The following LTBP2 variants were observed in gnomAD, a reference collection of about 807,000 sequenced individuals.
LTBP2 encodes latent transforming growth factor beta binding protein 2.
LTBP2 carries 103 observed loss-of-function variants against 210.6 expected under a neutral mutation model. That is an observed-to-expected ratio of 0.49 (90% confidence interval 0.42 to 0.58). LTBP2 has a LOEUF of 0.58. LTBP2 is among the 20% of genes least tolerant of loss of function. LTBP2 has a pLI of 0.00. For synonymous variants in LTBP2, 1,007 were observed against 1,015.0 expected, an observed-to-expected ratio of 0.99 and a Z score of 0.15; for missense variants, 2,313 against 2,494.5, an observed-to-expected ratio of 0.93 and a Z score of 1.55.
At chr14:74,590,995 T>C (rs1466471964) in intron 2 of LTBP2, among the ~76,000 whole-genome samples, 1 of 152,184 alleles carries the variant, frequency 6.6e-6, no homozygotes, top group African/African-American at 2.4e-5. Context: ...GCTATTGAAA[T>C]TAAATATATA....
intron 18 of LTBP2, among the ~76,000 whole-genome samples, chr14:74,511,685 C>A (rs1273064255): frequency 6.6e-6 from 1 of 152,180 alleles, no homozygotes; most frequent in East Asian, 1.9e-4. Context: ...TTTCATCTCT[C>A]CCCTGGCGAA....
chr14:74,551,386 AG>A, intron 6 of LTBP2, 36 bp from the exon 7 acceptor site: 1 of 1,518,306 alleles, frequency 6.6e-7, no homozygotes, highest in Non-Finnish European at 8.8e-7. Flanking sequence ...CCAGGGAAGC[AG>A]GGCCCCACCC....
In LTBP2 at chr14:74,512,125, T is replaced by C. The variant is rs1157226128; in HGVS notation, c.2909-761A>G. ...TCCCCGGAGCCGAGGAGAGGGCTCT[T>C]CCCCGACATAACCTGGCATATCATG... On this transcript the variant is annotated intron_variant, in intron 18 of 35. Coordinates refer to ENST00000261978, the MANE Select transcript of LTBP2 (RefSeq NM_000428.3). Among the ~76,000 whole-genome samples the C allele has an allele frequency of 9.9e-5, 15 of 152,122 alleles. No homozygotes were observed. In the South Asian group the frequency reaches 1.0e-3, roughly 11 times the overall value.
intron 25 of LTBP2, 111 bp downstream of exon 25, chr14:74,507,862 T>G: frequency 6.9e-7 from 1 of 1,456,316 alleles, no homozygotes. Flanking sequence ...ACACTATTTG[T>G]TGGACACTTC....
At chr14:74,508,770 T>C (rs770937261) in intron 23 of LTBP2, 41 bp from the exon 24 acceptor site, 2 of 1,613,388 alleles carry the variant, frequency 1.2e-6, no homozygotes, top group Admixed American at 3.3e-5. Context: ...GCTGGGGATG[T>C]GCCTGCCTCC....
In LTBP2 at chr14:74,502,868, C is replaced by T. The variant is rs773510546; in HGVS notation, c.4955G>A (p.Arg1652Gln). The part of the protein sequence containing the change: ...EAEREAGVHF[R>Q]PGYEYGPGPD... ...CCCGGGGCCATACTCATAGCCTGGC[C>T]GGAAGTGGACCCCGGCCTCCCGCTC... The change falls in exon 34 of 36, where the codon CGG becomes CAG. Residue 1652 changes from arginine to glutamine, a missense_variant. Physicochemically the swap from Arg to Gln is conservative, Grantham distance 43. Transcript: ENST00000261978. 1.2e-5 allele frequency: 20 copies of T among 1,613,710 alleles called. No homozygotes were observed. The highest frequency in any genetic ancestry group is 1.7e-4 in the Middle Eastern group (1 of 5,848).
intron 8 of LTBP2, among the ~76,000 whole-genome samples, chr14:74,540,419 G>A (rs922203140): frequency 1.3e-5 from 2 of 152,024 alleles, no homozygotes; most frequent in African/African-American, 4.8e-5. Flanking sequence ...GTGGCAGTGA[G>A]TCGAGATCAT....
At chr14:74,593,928 A>G (rs2088318111) in intron 2 of LTBP2, among the ~76,000 whole-genome samples, 1 of 152,228 alleles carries the variant, frequency 6.6e-6, no homozygotes, top group Admixed American at 6.5e-5. Flanking sequence ...AGGATTAAAA[A>G]TGAACAATAT....
chr14:74,509,117 C>T, intron 22 of LTBP2, 121 bp downstream of exon 22: 1 of 1,580,872 alleles, frequency 6.3e-7, no homozygotes, highest in South Asian at 1.1e-5. Context: ...GTGAGCGACT[C>T]TTGGGGAGCG....
intron 3 of LTBP2, among the ~76,000 whole-genome samples, chr14:74,562,992 G>A (rs1027096914): frequency 3.3e-5 from 5 of 152,196 alleles, no homozygotes; most frequent in Admixed American, 1.3e-4. Context: ...ATCTGCAAGT[G>A]TAGCAGCTAA....
At chr14:74,580,439 GGAA>G (rs1213984959) in intron 3 of LTBP2, among the ~76,000 whole-genome samples, 1 of 152,158 alleles carries the variant, frequency 6.6e-6, no homozygotes, top group Non-Finnish European at 1.5e-5. Context: ...ACACACACAA[GGAA>G]GAAGGCCACG....
intron 3 of LTBP2, among the ~76,000 whole-genome samples, chr14:74,573,047 C>T (rs1034256073): frequency 1.3e-5 from 2 of 152,096 alleles, no homozygotes; most frequent in Admixed American, 6.6e-5. Flanking sequence ...TTAATGAGGC[C>T]GAATGCTGCT....
intron 18 of LTBP2, among the ~76,000 whole-genome samples, chr14:74,512,409 C>T (rs572744775): frequency 6.6e-6 from 1 of 152,322 alleles, no homozygotes; most frequent in Non-Finnish European, 1.5e-5. Flanking sequence ...GAGAGGAGGA[C>T]CTACTCAGCA....
intron 3 of LTBP2, among the ~76,000 whole-genome samples, chr14:74,577,909 C>A (rs1173667024): frequency 1.3e-5 from 2 of 152,122 alleles, no homozygotes; most frequent in Non-Finnish European, 2.9e-5. Flanking sequence ...GGTCTCCGAG[C>A]ACACGTTGGT....
In LTBP2 at chr14:74,611,931, G is replaced by A. The variant is rs748853771; in HGVS notation, c.14C>T (p.Thr5Ile). 16 of 1,583,172 alleles carry A rather than the reference G, an allele frequency of 1.0e-5. No homozygotes were observed. Among genetic ancestry groups the A allele is most frequent in the Middle Eastern group, 4.0e-4 (2 of 5,006 alleles). MRPR[T>I]KARSPGRALR... ...GGCGCGCCCCGGGCTGCGGGCTTTG[G>A]TCCGCGGCCTCATGGCGCGGGGCGG... The change falls in exon 1 of 36, where the codon ACC becomes ATC. Residue 5 changes from threonine (T) to isoleucine (I), a missense_variant. Coordinates refer to ENST00000261978, the MANE Select transcript of LTBP2 (RefSeq NM_000428.3).
chr14:74,506,332 G>C (rs950594135), intron 27 of LTBP2, 141 bp from the exon 28 acceptor site: 2 of 1,124,520 alleles, frequency 1.8e-6, no homozygotes, highest in Non-Finnish European at 2.6e-6. Flanking sequence ...GTAGGGAGGA[G>C]GAACCAATGG....
At chr14:74,577,957 G>A (rs953081992) in intron 3 of LTBP2, among the ~76,000 whole-genome samples, 1 of 151,944 alleles carries the variant, frequency 6.6e-6, no homozygotes, top group Non-Finnish European at 1.5e-5. Flanking sequence ...GAACAATCTT[G>A]GGTCCAAGGG....
intron 8 of LTBP2, among the ~76,000 whole-genome samples, chr14:74,544,636 G>A (rs183698391): frequency 1.1e-4 from 17 of 152,204 alleles, no homozygotes; most frequent in Admixed American, 3.9e-4. Flanking sequence ...TATAACTCTC[G>A]TCATGGGCAA....
At position 74,606,106 on chromosome 14, in the gene LTBP2, A is replaced by AGG; in HGVS notation, c.495-2402_495-2401insCC. Among the ~76,000 whole-genome samples the AGG allele has an allele frequency of 2.0e-5, 3 of 152,326 alleles. No homozygotes were observed. The East Asian group carries it at 5.8e-4, about 29-fold the overall frequency. Reference sequence around the variant, plus strand: ...TCTGACTCCCTAGAAGGTACCTCTCAGAGATCATCTGAGTCCAGTCTTCCA... The same window carrying AGG: ...TCTGACTCCCTAGAAGGTACCTCTCAGGGAGATCATCTGAGTCCAGTCTTCCA... On this transcript the variant is annotated intron_variant, in intron 1 of 35. Transcript: ENST00000261978.
Sources: allele counts gnomAD v4.1 joint callset (sites outside exome capture counted in the v4.1 genomes callset), GRCh38; gene constraint gnomAD v4.1.1; transcripts MANE v1.5; gene names NCBI Gene and HGNC (gene_info 2026-07-23, HGNC 2026-07-21).